Variants in BACH2 observed in about 807,000 individuals in gnomAD.
BACH2 encodes transcription regulator protein BACH2.
BACH2 carries 5 observed loss-of-function variants against 61.8 expected under a neutral mutation model. That is an observed-to-expected ratio of 0.08 (90% confidence interval 0.04 to 0.17). The LOEUF is 0.17. BACH2 is among the 10% of genes least tolerant of loss of function. The pLI is 1.00. For synonymous variants in BACH2, 446 were observed against 440.1 expected (o/e 1.01, Z -0.17); for missense variants, 824 against 1,091.1 (o/e 0.76, Z 3.45).
intron 4 of BACH2, among the ~76,000 whole-genome samples, chr6:90,142,410 C>T (rs1181110158): frequency 6.6e-6 from 1 of 152,134 alleles, no homozygotes; most frequent in Non-Finnish European, 1.5e-5. Flanking sequence ...GCTATAATGG[C>T]CAAGTTTCTG....
intron 5 of BACH2, among the ~76,000 whole-genome samples, chr6:90,083,880 T>C (rs1781820092): frequency 6.6e-6 from 1 of 152,196 alleles, no homozygotes; most frequent in African/African-American, 2.4e-5. Context: ...TTCTGGTTAA[T>C]TGACAACTAC....
Position 89,931,960 on chromosome 6 carries a change from T to G in BACH2, c.*448A>C, listed in dbSNP as rs373654975. ...ATATATATATATATATATATATATT[T>G]TATATATATATTATATATAATATGT... On this transcript the variant is annotated 3_prime_UTR_variant, in exon 9 of 9. Transcript: ENST00000257749. 7.0e-6 allele frequency: 1 copy of G among 143,248 alleles called. No individual in the cohort carries two copies. The highest frequency in any genetic ancestry group is 1.5e-5 in the Non-Finnish European group (1 of 65,678). 8.9% of individuals were successfully genotyped at this position (143,248 alleles called of 1,614,324 possible). A position where few individuals can be genotyped will look rare whatever the true frequency, so the allele number is the denominator to read the frequency against.
chr6:90,031,632 G>A (rs1778988274), intron 5 of BACH2, among the ~76,000 whole-genome samples: 1 of 152,096 alleles, frequency 6.6e-6, no homozygotes, highest in Non-Finnish European at 1.5e-5. Context: ...AAATACTTAG[G>A]AATCCAACAT....
At chr6:90,144,340 GACAGAGGGAAGGAGGGAGGGAAAA>G (rs1399081779) in intron 4 of BACH2, among the ~76,000 whole-genome samples, 1 of 152,096 alleles carries the variant, frequency 6.6e-6, no homozygotes, top group Non-Finnish European at 1.5e-5. Flanking sequence ...GATTGGGAAG[GACAGAGGGAAGGAGGGAGGGAAAA>G]ACAGAGGGAA....
In BACH2 at chr6:90,132,183, C is replaced by T. The variant is rs79943270; in HGVS notation, c.-161-43074G>A. Reference sequence around the variant, plus strand: ...AGACTCATCCAAAGAGTGTAAACCACGCTCTTCTGCCAAGTGGCTACGACT... The same window carrying T: ...AGACTCATCCAAAGAGTGTAAACCATGCTCTTCTGCCAAGTGGCTACGACT... On this transcript the variant is annotated intron_variant, in intron 4 of 8. Transcript: ENST00000257749. Among the ~76,000 whole-genome samples, 62 of 152,332 alleles carry T rather than the reference C, an allele frequency of 4.1e-4. No homozygotes were observed. The East Asian group carries it at 7.5e-3, about 18-fold the overall frequency.
chr6:90,011,876 C>T (rs1777731980), intron 5 of BACH2, among the ~76,000 whole-genome samples: 1 of 148,626 alleles, frequency 6.7e-6, no homozygotes, highest in African/African-American at 2.5e-5. Flanking sequence ...GCCGAGATCA[C>T]ACCACTGCAC....
chr6:90,248,533 G>A (rs1441176265), intron 3 of BACH2, among the ~76,000 whole-genome samples: 1 of 152,186 alleles, frequency 6.6e-6, no homozygotes, highest in East Asian at 1.9e-4. Context: ...CAACTGGGTG[G>A]TGCTCATTAA....
intron 5 of BACH2, among the ~76,000 whole-genome samples, chr6:90,081,402 ACTTCCCCACAC>A (rs896580477): frequency 2.6e-5 from 4 of 152,172 alleles, no homozygotes; most frequent in Admixed American, 2.6e-4. Context: ...ACTGTATACC[ACTTCCCCACAC>A]CCGTAACCAA....
intron 3 of BACH2, among the ~76,000 whole-genome samples, chr6:90,219,442 C>T (rs1769661290): frequency 6.6e-6 from 1 of 152,216 alleles, no homozygotes; most frequent in South Asian, 2.1e-4. Flanking sequence ...CTGTGTGTTT[C>T]TTTTTCTCTC....
intron 4 of BACH2, among the ~76,000 whole-genome samples, chr6:90,175,094 C>T (rs936803892): frequency 2.6e-5 from 4 of 151,970 alleles, no homozygotes; most frequent in African/African-American, 9.7e-5. Flanking sequence ...AGTGTATCTA[C>T]ATGTTATATA....
At position 90,135,088 on chromosome 6, in the gene BACH2, C is replaced by G. The variant is rs73505252; in HGVS notation, c.-161-45979G>C. Among the ~76,000 whole-genome samples, 618 of 152,272 alleles carry G rather than the reference C, an allele frequency of 4.1e-3. 4 individuals carry two copies. Among genetic ancestry groups the G allele is most frequent in the South Asian group, 0.03 (146 of 4,826 alleles). ...GATGACCGTGCAACAGTATCACCTC[C>G]CTGGCAGCATGCTAAAGCCATTTTC... On this transcript the variant is annotated intron_variant, in intron 4 of 8. Coordinates refer to ENST00000257749, the MANE Select transcript of BACH2 (RefSeq NM_021813.4).
chr6:90,220,475 A>G (rs1022972755), intron 3 of BACH2, among the ~76,000 whole-genome samples: 4 of 152,208 alleles, frequency 2.6e-5, no homozygotes, highest in African/African-American at 9.6e-5. Flanking sequence ...TTGTCAGGGG[A>G]GGACTGTTTA....
At chr6:90,278,853 T>C (rs1771772495) in intron 1 of BACH2, among the ~76,000 whole-genome samples, 1 of 152,198 alleles carries the variant, frequency 6.6e-6, no homozygotes, top group Non-Finnish European at 1.5e-5. Flanking sequence ...AATCAAAGTA[T>C]AAGGTGAACC....
At chr6:90,009,889 T>A (rs894217548) in intron 5 of BACH2, among the ~76,000 whole-genome samples, 1 of 152,212 alleles carries the variant, frequency 6.6e-6, no homozygotes, top group African/African-American at 2.4e-5. Context: ...GGTTTTGAAC[T>A]CCTGACCTCA....
At chr6:89,964,200 G>A (rs921656724) in intron 6 of BACH2, among the ~76,000 whole-genome samples, 23 of 103,322 alleles carry the variant, frequency 2.2e-4, no homozygotes, top group South Asian at 1.0e-3. Flanking sequence ...AAAACTTAAA[G>A]TATAATTAAA....
In BACH2 at chr6:89,928,367, T is replaced by G. The variant is rs948544078; in HGVS notation, c.*4041A>C. ...GCTCTTCCTCATTTTGAGAGGATTA[T>G]GCTACTCCACAGGATGTCAAGCAGC... On this transcript the variant is annotated 3_prime_UTR_variant, in exon 9 of 9. Coordinates refer to ENST00000257749, the MANE Select transcript of BACH2 (RefSeq NM_021813.4). 1.3e-5 allele frequency: 2 copies of G among 152,394 alleles called. No homozygotes were observed. The highest frequency in any genetic ancestry group is 2.9e-5 in the Non-Finnish European group (2 of 68,056). 9.4% of individuals were successfully genotyped at this position (152,394 alleles called of 1,614,324 possible).
At chr6:90,096,513 C>T (rs1295905687) in intron 4 of BACH2, among the ~76,000 whole-genome samples, 6 of 152,208 alleles carry the variant, frequency 3.9e-5, no homozygotes, top group African/African-American at 1.4e-4. Flanking sequence ...AGGGACCTAG[C>T]TTCTCTTGCT....
intron 7 of BACH2, among the ~76,000 whole-genome samples, chr6:89,942,793 G>C (rs865813208): frequency 1.3e-5 from 2 of 152,324 alleles, no homozygotes; most frequent in African/African-American, 4.8e-5. Context: ...GGGCACCAGA[G>C]GCCTGTGCCA....
intron 4 of BACH2, among the ~76,000 whole-genome samples, chr6:90,195,437 G>A (rs1768725125): frequency 6.6e-6 from 1 of 152,118 alleles, no homozygotes; most frequent in African/African-American, 2.4e-5. Flanking sequence ...AAATCACCTT[G>A]GATTTTTCTC....
Sources: allele counts gnomAD v4.1 joint callset (sites outside exome capture counted in the v4.1 genomes callset), GRCh38; gene constraint gnomAD v4.1.1; transcripts MANE v1.5; gene names NCBI Gene and HGNC (gene_info 2026-07-23, HGNC 2026-07-21).